Variants in PCNX2 observed in about 807,000 individuals in gnomAD.
PCNX2 encodes pecanex 2.
A neutral mutation model predicts 223.8 loss-of-function variants in PCNX2; 168 were observed. The ratio of observed to expected loss-of-function variants is 0.75; its 90% CI spans 0.66 to 0.85. The LOEUF is 0.85. Ranked by LOEUF, PCNX2 falls within the 40% of genes least tolerant of loss-of-function variation. PCNX2 has a pLI of 0.00. For synonymous variants in PCNX2, 1,006 were observed against 1,052.6 expected, an observed-to-expected ratio of 0.96 and a Z score of 0.86; for missense variants, 2,507 against 2,675.5, an observed-to-expected ratio of 0.94 and a Z score of 1.39.
chr1:233,112,714 C>CTG, intron 21 of PCNX2: 2 of 617,996 alleles, frequency 3.2e-6, no homozygotes, highest in Non-Finnish European at 4.1e-6. Flanking sequence ...GATCTTTGAA[C>CTG]AATATAACTA....
intron 10 of PCNX2, among the ~76,000 whole-genome samples, chr1:233,223,823 T>C (rs1657537837): frequency 6.6e-6 from 1 of 152,190 alleles, no homozygotes; most frequent in Non-Finnish European, 1.5e-5. Context: ...GACAATTAGT[T>C]TAGTTTGAGA....
chr1:233,300,089 A>G (rs749773995), upstream of PCNX2, among the ~76,000 whole-genome samples: 9 of 152,108 alleles, frequency 5.9e-5, no homozygotes, highest in Non-Finnish European at 1.2e-4. Context: ...TTCCCTCAGC[A>G]TGTCAACATA....
intron 25 of PCNX2, chr1:233,031,785 CTTTTTTTTTTTT>C (rs56699256): frequency 1.4e-6 from 1 of 715,984 alleles, no homozygotes; most frequent in Admixed American, 7.0e-5. Flanking sequence ...TGAAAGCATT[CTTTTTTTTTTTT>C]TTTTTTAAAC....
chr1:233,072,718 AC>A (rs1572070750), intron 23 of PCNX2, among the ~76,000 whole-genome samples: 1 of 152,292 alleles, frequency 6.6e-6, no homozygotes, highest in East Asian at 1.9e-4. Context: ...TATGTGTTAA[AC>A]CACCCTAGCA....
chr1:233,148,146 G>C (rs1214323211), intron 19 of PCNX2, among the ~76,000 whole-genome samples: 2 of 152,152 alleles, frequency 1.3e-5, no homozygotes, highest in African/African-American at 4.8e-5. Flanking sequence ...CTCTAGATGA[G>C]AGGACAGCAA....
chr1:233,072,019 G>T (rs1672880415), intron 23 of PCNX2, among the ~76,000 whole-genome samples: 3 of 152,176 alleles, frequency 2.0e-5, no homozygotes, highest in Admixed American at 2.0e-4. Context: ...ATTTGTTTCA[G>T]TTCCTTATAG....
chr1:233,135,630 G>C (rs1676760085), intron 20 of PCNX2, among the ~76,000 whole-genome samples: 1 of 152,224 alleles, frequency 6.6e-6, no homozygotes, highest in African/African-American at 2.4e-5. Context: ...GCCCCTGCTA[G>C]AGTGAGCTCA....
chr1:233,057,206 GA>G (rs1672220855), intron 24 of PCNX2, 25 bp downstream of exon 24: 3 of 1,547,472 alleles, frequency 1.9e-6, no homozygotes, highest in Non-Finnish European at 2.7e-6. Flanking sequence ...ATAAATAGTT[GA>G]AAAAGAGAGA....
At chr1:233,199,219 A>G (rs1003855067) in intron 14 of PCNX2, among the ~76,000 whole-genome samples, 189 bp from the exon 15 acceptor site, 1 of 152,238 alleles carries the variant, frequency 6.6e-6, no homozygotes, top group African/African-American at 2.4e-5. Flanking sequence ...ACCATTAACT[A>G]AAAATTCAAG....
intron 21 of PCNX2, among the ~76,000 whole-genome samples, chr1:233,103,327 T>C (rs1490696811): frequency 6.6e-6 from 1 of 152,180 alleles, no homozygotes; most frequent in African/African-American, 2.4e-5. Flanking sequence ...AATTAATTTA[T>C]TATTGACTAC....
chr1:233,205,630 AG>A (rs1681399042), intron 13 of PCNX2, among the ~76,000 whole-genome samples: 1 of 151,952 alleles, frequency 6.6e-6, no homozygotes, highest in African/African-American at 2.4e-5. Flanking sequence ...CAGGAGGCAG[AG>A]GTTGCAGTGA....
In PCNX2 at chr1:233,262,994, G is replaced by A; in HGVS notation, c.323C>T (p.Ala108Val). ...GTGATTAGTTATGTGTTCACCTTTG[G>A]CCTCCTTGTCTTTATTTGGCTTTTC... ...KEEKPNKDKE[A>V]KGEHITNHRN... Residue 108 changes from alanine to valine, a missense_variant, in exon 2 of 34, where the codon GCC (alanine) becomes GTC (valine). Around this residue, in one of 3 missense-constraint regions of PCNX2, gnomAD observed 1,031 missense variants for 1,021.7 expected, o/e 1.01. Coordinates refer to ENST00000258229, the MANE Select transcript of PCNX2 (RefSeq NM_014801.4). 6.2e-7 allele frequency: 1 copy of A among 1,613,534 alleles called. No homozygotes were observed. Among genetic ancestry groups the A allele is most frequent in the Non-Finnish European group, 8.5e-7 (1 of 1,179,752 alleles).
At chr1:233,319,305 T>C in the PCNX2 span, among the ~76,000 whole-genome samples, 1 of 152,194 alleles carries the variant, frequency 6.6e-6, no homozygotes, top group African/African-American at 2.4e-5. Flanking sequence ...CCGTGGCAAC[T>C]TTTTCCTCTT....
intron 17 of PCNX2, among the ~76,000 whole-genome samples, chr1:233,164,666 A>T (rs1410110601): frequency 6.6e-6 from 1 of 151,438 alleles, no homozygotes; most frequent in Admixed American, 6.6e-5. Context: ...ATATACACAA[A>T]CACACCCCCA....
chr1:233,086,953 TG>T, intron 23 of PCNX2: 1 of 883,740 alleles, frequency 1.1e-6, no homozygotes. Context: ...GAGCTATGTG[TG>T]GGCAGAGAGT....
At chr1:233,046,882 C>T (rs1671842718) in intron 25 of PCNX2, among the ~76,000 whole-genome samples, 1 of 152,174 alleles carries the variant, frequency 6.6e-6, no homozygotes, top group African/African-American at 2.4e-5. Flanking sequence ...TTTCTATCAC[C>T]AGAATCTGAG....
intron 25 of PCNX2, chr1:233,033,114 C>G (rs1293398442): frequency 1.0e-6 from 1 of 985,398 alleles, no homozygotes. Context: ...GAATGTCAAG[C>G]TGGCAAGGCT....
rs139773254 is a variant in PCNX2, at chr1:233,124,362, G to A, written c.3837+10651C>T. Among the ~76,000 whole-genome samples, 259 of 152,122 alleles carry A rather than the reference G, an allele frequency of 1.7e-3. 2 individuals are homozygous for A. The highest frequency in any genetic ancestry group is 6.8e-3 in the Middle Eastern group (2 of 294). ...ACCTTACTGACAATTCCAGAATTAC[G>A]AAAAAGATCAATAAATCTGACAAGT... is the stretch of plus-strand genomic sequence containing the variant. On this transcript the variant is annotated intron_variant, in intron 21 of 33. Coordinates refer to ENST00000258229, the MANE Select transcript of PCNX2 (RefSeq NM_014801.4).
chr1:233,109,813 A>G (rs989027235), intron 21 of PCNX2, among the ~76,000 whole-genome samples: 1 of 152,244 alleles, frequency 6.6e-6, no homozygotes, highest in Non-Finnish European at 1.5e-5. Context: ...CAGACACCAA[A>G]CCACAGATTC....
Sources: allele counts gnomAD v4.1 joint callset (sites outside exome capture counted in the v4.1 genomes callset), GRCh38; gene constraint gnomAD v4.1.1; regional missense constraint gnomAD v4.1.1; transcripts MANE v1.5; gene names NCBI Gene and HGNC (gene_info 2026-07-23, HGNC 2026-07-21).